Variants in SLC7A5 observed in about 807,000 individuals in gnomAD.
SLC7A5 encodes the protein large neutral amino acids transporter small subunit 1.
In SLC7A5, 23 loss-of-function variants were observed where a neutral mutation model predicts 50.2. That is an observed-to-expected ratio of 0.46 (90% CI 0.33 to 0.65). The LOEUF is 0.65. Among genes scored for constraint, SLC7A5 ranks in the 30% least tolerant of loss-of-function variants. The probability of loss-of-function intolerance (pLI) is 0.02; values close to 1 mark genes in which losing one functional copy is unlikely to be tolerated. For missense variants in SLC7A5, 578 were observed against 684.4 expected (o/e 0.84, Z 1.73); for synonymous variants, 393 against 330.6 (o/e 1.19, Z -2.05).
chr16:87,850,673 G>A (rs1309419967), intron 2 of SLC7A5, among the ~76,000 whole-genome samples: 1 of 152,222 alleles, frequency 6.6e-6, no homozygotes, highest in Non-Finnish European at 1.5e-5. Flanking sequence ...ACTGCAGACA[G>A]AGGCATCCCT....
rs1302677728 is a variant in SLC7A5 at position 87,841,315 on chromosome 16, G to A, written c.665-160C>T. On this transcript the variant is annotated intron_variant, in intron 2 of 9. Transcript: ENST00000261622. This position sits in a 1 kb window ranked among gnomAD's most constrained non-coding sequence, Gnocchi z 4.8. ...TGGTATGTACCTGCTGAGCCACATG[G>A]AGGGTGCAGGGTTCCAACCACAACC... 1.3e-5 allele frequency among the ~76,000 whole-genome samples: 2 copies of A among 152,182 alleles called. No individual in the cohort carries two copies. The highest frequency in any genetic ancestry group is 4.8e-5 in the African/African-American group (2 of 41,438).
At chr16:87,842,812 C>T (rs1352601002) in intron 2 of SLC7A5, among the ~76,000 whole-genome samples, 3 of 152,188 alleles carry the variant, frequency 2.0e-5, no homozygotes, top group African/African-American at 7.2e-5. Context: ...ACTCTGCAGG[C>T]CTGGAGCGGG....
chr16:87,843,910 G>A (rs1321310134), intron 2 of SLC7A5, among the ~76,000 whole-genome samples: 4 of 152,164 alleles, frequency 2.6e-5, no homozygotes, highest in Non-Finnish European at 5.9e-5. Flanking sequence ...TCTCTCCCAT[G>A]GACCCTAGAC....
intron 2 of SLC7A5, among the ~76,000 whole-genome samples, 197 bp downstream of exon 2, chr16:87,851,527 C>T (rs183975629): frequency 6.6e-6 from 1 of 152,366 alleles, no homozygotes; most frequent in African/African-American, 2.4e-5. Flanking sequence ...CCACGCTGTC[C>T]CACGGGAGCA....
chr16:87,832,927 T>C lies in SLC7A5; in HGVS notation c.*43A>G, dbSNP rs1248752446. Reference sequence around the variant, plus strand: ...GTTCGAGGAGGTGATCTACTTTAACTGGCCTCTGCGCATGCTCCTCCGGCA... The same window carrying C: ...GTTCGAGGAGGTGATCTACTTTAACCGGCCTCTGCGCATGCTCCTCCGGCA... On this transcript the variant is annotated 3_prime_UTR_variant, in exon 10 of 10. Coordinates refer to ENST00000261622, the MANE Select transcript of SLC7A5 (RefSeq NM_003486.7). This position sits in a 1 kb window ranked among gnomAD's most constrained non-coding sequence, Gnocchi z 4.6. The C allele has an allele frequency of 4.5e-6, 7 of 1,541,964 alleles. No individual in the cohort carries two copies. In the Admixed American group the frequency reaches 6.7e-5, roughly 15 times the overall value.
Position 87,833,035 on chromosome 16 carries a change from G to A in SLC7A5, c.1469-10C>T, listed in dbSNP as rs753305050. The A allele has an allele frequency of 1.9e-6, 3 of 1,613,486 alleles. No individual in the cohort carries two copies. Among genetic ancestry groups the A allele is most frequent in the South Asian group, 2.2e-5 (2 of 91,074 alleles). ...AGGACGGTCGTGGAGACTGTCAGGA[G>A]AGAAGACAGCTGTGTTAGCCTGGGG... On this transcript the variant is annotated splice_polypyrimidine_tract_variant and intron_variant, in intron 9 of 9. Coordinates refer to ENST00000261622, the MANE Select transcript of SLC7A5 (RefSeq NM_003486.7). This position sits in a 1 kb window ranked among gnomAD's most constrained non-coding sequence, Gnocchi z 6.0.
intron 2 of SLC7A5, among the ~76,000 whole-genome samples, chr16:87,846,362 C>G (rs372984110): frequency 1.1e-4 from 17 of 152,384 alleles, no homozygotes; most frequent in Non-Finnish European, 2.5e-4. Context: ...TTGGTTAACA[C>G]AGCCTGTACC....
intron 1 of SLC7A5, among the ~76,000 whole-genome samples, chr16:87,859,644 T>A (rs1391099650): frequency 6.6e-6 from 1 of 151,930 alleles, no homozygotes; most frequent in Non-Finnish European, 1.5e-5. Flanking sequence ...GCACTAACAC[T>A]CAAACACAGA....
chr16:87,836,820 G>A (rs1228460582), intron 7 of SLC7A5, 173 bp from the exon 8 acceptor site: 2 of 612,332 alleles, frequency 3.3e-6, no homozygotes, highest in African/African-American at 1.8e-5. Flanking sequence ...AGGAGGAAAG[G>A]AGGGAAGGAG....
rs1208636114 is a variant in SLC7A5 at position 87,841,478 on chromosome 16, C to G, written c.665-323G>C. Among the ~76,000 whole-genome samples the G allele has an allele frequency of 6.6e-6, 1 of 152,196 alleles. No individual in the cohort carries two copies. Among genetic ancestry groups the G allele is most frequent in the Non-Finnish European group, 1.5e-5 (1 of 68,028 alleles). On this transcript the variant is annotated intron_variant, in intron 2 of 9. Coordinates refer to ENST00000261622, the MANE Select transcript of SLC7A5 (RefSeq NM_003486.7). This position sits in a 1 kb window ranked among gnomAD's most constrained non-coding sequence, Gnocchi z 4.8. ...GGGGTCAACCAGCCCCAGTTGCCTT[C>G]AAGAAGGTTCCCTGAGACCTCACGA...
chr16:87,850,396 A>C (rs2055205895), intron 2 of SLC7A5, among the ~76,000 whole-genome samples: 1 of 152,186 alleles, frequency 6.6e-6, no homozygotes, highest in Non-Finnish European at 1.5e-5. Flanking sequence ...CTCTAGGAGC[A>C]AGGTCCTTGC....
At chr16:87,850,318 G>A (rs1003863771) in intron 2 of SLC7A5, among the ~76,000 whole-genome samples, 5 of 152,212 alleles carry the variant, frequency 3.3e-5, no homozygotes, top group Non-Finnish European at 7.4e-5. Context: ...CCTTGTGTCT[G>A]CATGTTTTGG....
At chr16:87,868,138 GAA>G (rs2055487047) in intron 1 of SLC7A5, among the ~76,000 whole-genome samples, 5 of 147,140 alleles carry the variant, frequency 3.4e-5, no homozygotes, top group African/African-American at 1.3e-4. Context: ...AAAAAAGAAA[GAA>G]AAAGAAAAAG....
chr16:87,838,965 C>A (rs1303843512), intron 5 of SLC7A5, 148 bp from the exon 6 acceptor site: 35 of 706,340 alleles, frequency 5.0e-5, no homozygotes, highest in Non-Finnish European at 7.7e-5. Context: ...GGATTCTGGC[C>A]TCTGGGGGGA....
At chr16:87,846,255 G>C (rs760567147) in intron 2 of SLC7A5, among the ~76,000 whole-genome samples, 2 of 152,220 alleles carry the variant, frequency 1.3e-5, no homozygotes, top group Non-Finnish European at 2.9e-5. Flanking sequence ...GCCTCACAGA[G>C]AGATGCCCTG....
chr16:87,840,673 C>T (rs778763049), intron 3 of SLC7A5, among the ~76,000 whole-genome samples, 200 bp from the exon 4 acceptor site: 20 of 152,152 alleles, frequency 1.3e-4, no homozygotes, highest in Non-Finnish European at 2.5e-4. Flanking sequence ...CAGGCCCTCC[C>T]GCACATTCCC....
chr16:87,851,456 G>C (rs1360531594), intron 2 of SLC7A5, among the ~76,000 whole-genome samples: 1 of 152,214 alleles, frequency 6.6e-6, no homozygotes, highest in Non-Finnish European at 1.5e-5. Context: ...GGGCTCTCAA[G>C]ATTCACAGAC....
chr16:87,869,231 G>A lies in SLC7A5; in HGVS notation c.192C>T (p.Ile64=). ...TGGGCGTCACGAAGATGCCCGAGCCGATAATGGTCCCCACGATGATGGCCA... is the reference window on the plus strand; with the variant it reads ...TGGGCGTCACGAAGATGCCCGAGCCAATAATGGTCCCCACGATGATGGCCA... ...NGVAIIVGTI[I]GSGIFVTPTG... The change falls in exon 1 of 10, where the codon ATC becomes ATT. Residue 64 remains isoleucine (I), a synonymous_variant. Coordinates refer to ENST00000261622, the MANE Select transcript of SLC7A5 (RefSeq NM_003486.7). The A allele has an allele frequency of 6.2e-7, 1 of 1,612,840 alleles. No individual in the cohort carries two copies. The highest frequency in any genetic ancestry group is 8.5e-7 in the Non-Finnish European group (1 of 1,179,872).
chr16:87,838,864 G>T, intron 5 of SLC7A5, 47 bp from the exon 6 acceptor site: 2 of 1,438,556 alleles, frequency 1.4e-6, no homozygotes, highest in Non-Finnish European at 2.0e-6. Context: ...GCCGGCCCTC[G>T]CCCTCCCTGT....
Sources: allele counts gnomAD v4.1 joint callset (sites outside exome capture counted in the v4.1 genomes callset), GRCh38; gene constraint gnomAD v4.1.1; non-coding constraint Gnocchi (gnomAD v3.1); transcripts MANE v1.5; gene names NCBI Gene and HGNC (gene_info 2026-07-23, HGNC 2026-07-21).